Variants in SCRG1 observed in about 807,000 individuals in gnomAD.
SCRG1 encodes the protein stimulator of chondrogenesis 1.
A neutral mutation model predicts 7.7 loss-of-function variants in SCRG1; 3 were observed. The observed-to-expected ratio is 0.39, with a 90% confidence interval of 0.18 to 1.01. SCRG1 has a LOEUF of 1.01. Among genes scored for constraint, SCRG1 ranks in the 50% least tolerant of loss-of-function variants. The pLI is 0.36. For missense variants in SCRG1, 110 were observed against 117.2 expected (o/e 0.94, Z 0.28); for synonymous variants, 46 against 41.2 (o/e 1.12, Z -0.44).
At chr4:173,494,636 C>G in the SCRG1 span, among the ~76,000 whole-genome samples, 1 of 152,162 alleles carries the variant, frequency 6.6e-6, no homozygotes, top group Non-Finnish European at 1.5e-5. Context: ...CTCCTTTCCT[C>G]CTTGGGCACC....
At chr4:173,397,675 G>A (rs950595878) in intron 1 of SCRG1, among the ~76,000 whole-genome samples, 1 of 152,166 alleles carries the variant, frequency 6.6e-6, no homozygotes, top group African/African-American at 2.4e-5. Flanking sequence ...GCAAGCTTTT[G>A]AATGGCTGGA....
chr4:173,392,335 G>A (rs1167627115), intron 1 of SCRG1, among the ~76,000 whole-genome samples: 1 of 152,198 alleles, frequency 6.6e-6, no homozygotes, highest in Non-Finnish European at 1.5e-5. Flanking sequence ...AGTTGAAAAT[G>A]AAGGCTTGAA....
At chr4:173,502,714 CA>C in the SCRG1 span, among the ~76,000 whole-genome samples, 1 of 152,184 alleles carries the variant, frequency 6.6e-6, no homozygotes, top group East Asian at 1.9e-4. This position sits in a 1 kb window ranked among gnomAD's most constrained non-coding sequence, Gnocchi z 4.6. Context: ...CTCCCTTTCT[CA>C]AAATGGGGAA....
At chr4:173,477,705 CCCTTCCTTCCTT>C in the SCRG1 span, among the ~76,000 whole-genome samples, 16,696 of 128,056 alleles carry the variant, frequency 0.13, 1,373 homozygotes, top group African/African-American at 0.21. Context: ...TCTTTTTTTT[CCCTTCCTTCCTT>C]CCTTCCTTCC....
chr4:173,454,803 A>C, the SCRG1 span, among the ~76,000 whole-genome samples: 1 of 152,184 alleles, frequency 6.6e-6, no homozygotes, highest in Non-Finnish European at 1.5e-5. Context: ...CACATAGAAG[A>C]CCAGTTACAG....
chr4:173,483,815 T>C, the SCRG1 span, among the ~76,000 whole-genome samples: 1 of 79,898 alleles, frequency 1.3e-5, no homozygotes, highest in Non-Finnish European at 2.2e-5. Context: ...TGATATGTAA[T>C]ATATATAATA....
chr4:173,450,698 CCCAAAAAG>C, the SCRG1 span, among the ~76,000 whole-genome samples: 6 of 152,180 alleles, frequency 3.9e-5, 1 homozygote, highest in South Asian at 1.2e-3. Flanking sequence ...GATAGGGAAA[CCCAAAAAG>C]CCTTATTAGC....
the SCRG1 span, among the ~76,000 whole-genome samples, chr4:173,411,511 A>T: frequency 6.6e-6 from 1 of 152,232 alleles, no homozygotes; most frequent in Non-Finnish European, 1.5e-5. Flanking sequence ...CCATCCCCCT[A>T]GTTCCACATT....
At chr4:173,511,619 T>C in the SCRG1 span, among the ~76,000 whole-genome samples, 1 of 152,192 alleles carries the variant, frequency 6.6e-6, no homozygotes, top group Non-Finnish European at 1.5e-5. The surrounding 1 kb of genome is among the most constrained non-coding windows in gnomAD (Gnocchi z 5.2). Context: ...AGAGCATCTT[T>C]AGATCTTTAG....
chr4:173,484,550 A>C, the SCRG1 span, among the ~76,000 whole-genome samples: 1 of 73,588 alleles, frequency 1.4e-5, no homozygotes, highest in Non-Finnish European at 2.3e-5. Context: ...TGTATATTTT[A>C]TATGTTATAT....
intron 2 of SCRG1, among the ~76,000 whole-genome samples, chr4:173,389,398 A>C (rs536853880): frequency 2.0e-5 from 3 of 152,040 alleles, no homozygotes; most frequent in African/African-American, 2.4e-5. Context: ...TAGCCGGGCG[A>C]GGTGGCGGGC....
chr4:173,465,434 T>C, the SCRG1 span, among the ~76,000 whole-genome samples: 3 of 152,100 alleles, frequency 2.0e-5, no homozygotes, highest in Non-Finnish European at 2.9e-5. Flanking sequence ...TGAATATTAA[T>C]ATGGTAGGCA....
chr4:173,476,361 A>ATATATATAT, the SCRG1 span, among the ~76,000 whole-genome samples: 70 of 51,416 alleles, frequency 1.4e-3, 2 homozygotes, highest in Non-Finnish European at 2.8e-3. Flanking sequence ...GGGGAAAAAA[A>ATATATATAT]AAATATATAT....
the SCRG1 span, among the ~76,000 whole-genome samples, chr4:173,516,453 A>G: frequency 6.6e-6 from 1 of 152,200 alleles, no homozygotes; most frequent in Non-Finnish European, 1.5e-5. Flanking sequence ...GTTTCTAAAG[A>G]AAGCACTGGT....
chr4:173,428,683 A>G, the SCRG1 span, among the ~76,000 whole-genome samples: 3 of 152,218 alleles, frequency 2.0e-5, no homozygotes, highest in East Asian at 3.9e-4. Flanking sequence ...AATTTAGGCT[A>G]GATCCAAATG....
At chr4:173,514,919 C>A in the SCRG1 span, among the ~76,000 whole-genome samples, 1 of 152,188 alleles carries the variant, frequency 6.6e-6, no homozygotes, top group Admixed American at 6.5e-5. Flanking sequence ...GCAATAATAT[C>A]TATTCTATCC....
At chr4:173,402,066 C>T (rs1739776934), upstream of SCRG1, among the ~76,000 whole-genome samples, 1 of 152,170 alleles carries the variant, frequency 6.6e-6, no homozygotes, top group South Asian at 2.1e-4. Flanking sequence ...ACTCAGACCT[C>T]TTATCGAACC....
chr4:173,388,417 A>G (rs540483974), intron 2 of SCRG1, 22 bp from the exon 3 acceptor site: 58 of 1,569,264 alleles, frequency 3.7e-5, no homozygotes, highest in East Asian at 1.1e-4. Context: ...TAGAGCATCA[A>G]TTAAATTCAC....
the SCRG1 span, among the ~76,000 whole-genome samples, chr4:173,483,690 G>GATATA: frequency 3.4e-4 from 1 of 2,936 alleles, no homozygotes; most frequent in African/African-American, 5.0e-4. Context: ...ATATTATATT[G>GATATA]TGATATATCA....
Sources: gnomAD v4.1 joint callset for allele counts (sites outside exome capture counted in the v4.1 genomes callset) on GRCh38, gnomAD v4.1.1 for gene constraint, Gnocchi (gnomAD v3.1) non-coding constraint, MANE v1.5 for transcripts, NCBI Gene and HGNC (gene_info 2026-07-23, HGNC 2026-07-21) for gene names.